Variants in MAD1L1 observed in about 807,000 individuals in gnomAD.
MAD1L1 encodes the protein mitotic spindle assembly checkpoint protein MAD1.
A neutral mutation model predicts 96.9 loss-of-function variants in MAD1L1; 95 were observed. The ratio of observed to expected loss-of-function variants is 0.98; its 90% CI spans 0.83 to 1.16. The LOEUF (loss-of-function observed/expected upper bound fraction) is 1.16, where lower values mean the gene tolerates loss of function less well. Ranked by LOEUF, MAD1L1 falls within the 50% of genes most tolerant of loss-of-function variation. The probability of loss-of-function intolerance (pLI) is 0.00; values close to 1 mark genes in which losing one functional copy is unlikely to be tolerated. For missense variants in MAD1L1, 1,007 were observed against 954.4 expected, an observed-to-expected ratio of 1.06 and a Z score of -0.73; for synonymous variants, 473 against 396.6, an observed-to-expected ratio of 1.19 and a Z score of -2.29.
intron 10 of MAD1L1, among the ~76,000 whole-genome samples, chr7:2,205,091 T>TC (rs1388602403): frequency 7.4e-6 from 1 of 134,264 alleles, no homozygotes; most frequent in Non-Finnish European, 1.5e-5. Flanking sequence ...TTTCTTTTTT[T>TC]TTTTTTTTTT....
intron 11 of MAD1L1, among the ~76,000 whole-genome samples, chr7:2,117,442 T>G (rs1330925568): frequency 2.0e-5 from 3 of 152,230 alleles, no homozygotes; most frequent in Non-Finnish European, 4.4e-5. Context: ...TGATATGGTC[T>G]GACTGTGTCC....
chr7:1,859,472 G>A (rs1784414385), intron 18 of MAD1L1, among the ~76,000 whole-genome samples: 1 of 152,226 alleles, frequency 6.6e-6, no homozygotes, highest in Non-Finnish European at 1.5e-5. Flanking sequence ...GCCCACAGGT[G>A]GGGCAGGTGG....
chr7:2,170,177 A>C (rs963339761), intron 10 of MAD1L1, among the ~76,000 whole-genome samples: 2 of 152,178 alleles, frequency 1.3e-5, no homozygotes, highest in Non-Finnish European at 2.9e-5. Flanking sequence ...CAGCCACGTG[A>C]AGCAGCTCGT....
intron 12 of MAD1L1, among the ~76,000 whole-genome samples, chr7:2,049,048 C>T (rs1230097708): frequency 6.6e-6 from 1 of 152,250 alleles, no homozygotes; most frequent in East Asian, 1.9e-4. Context: ...TGATGATGAA[C>T]TACCTCACAC....
In MAD1L1 at chr7:2,225,558, G is replaced by A. The variant is rs761029755; in HGVS notation, c.151-8C>T. On this transcript the variant is annotated splice_polypyrimidine_tract_variant and splice_region_variant and intron_variant, in intron 3 of 18. Coordinates refer to ENST00000265854, the MANE Select transcript of MAD1L1 (RefSeq NM_001013836.2). The stretch of plus-strand genomic sequence containing the variant: ...CTCTGCTCTTTCCTCCAGCTGAGCA[G>A]GTCGCACCCAAAGAAAAACAGAATC... The A allele has an allele frequency of 1.9e-5, 31 of 1,612,830 alleles. No individual in the cohort carries two copies. Among genetic ancestry groups the A allele is most frequent in the Non-Finnish European group, 2.6e-5 (31 of 1,179,976 alleles).
chr7:2,113,093 G>A (rs952661871), intron 11 of MAD1L1, among the ~76,000 whole-genome samples: 8 of 145,412 alleles, frequency 5.5e-5, no homozygotes, highest in Non-Finnish European at 1.1e-4. Context: ...AAACGGGGAC[G>A]AGGGGCAGAG....
intron 18 of MAD1L1, among the ~76,000 whole-genome samples, chr7:1,879,614 A>T (rs1785570146): frequency 6.6e-6 from 1 of 152,198 alleles, no homozygotes; most frequent in African/African-American, 2.4e-5. Flanking sequence ...AAAAGAACAA[A>T]ATTGGAGGAC....
intron 18 of MAD1L1, among the ~76,000 whole-genome samples, chr7:1,832,630 T>TTTTGG (rs56664541): frequency 0.011 from 26 of 2,350 alleles, no homozygotes; most frequent in Non-Finnish European, 0.017. Flanking sequence ...TTTTTTTTTT[T>TTTTGG]GGCGGGGGGG....
intron 18 of MAD1L1, among the ~76,000 whole-genome samples, chr7:1,891,943 G>A (rs1445346380): frequency 2.6e-5 from 4 of 152,158 alleles, no homozygotes; most frequent in South Asian, 2.1e-4. Context: ...TAAGTGGTAC[G>A]GCATTTATAG....
intron 11 of MAD1L1, among the ~76,000 whole-genome samples, chr7:2,093,860 G>A (rs1562680254): frequency 1.3e-5 from 2 of 152,344 alleles, no homozygotes; most frequent in East Asian, 1.9e-4. Context: ...CAACAGACAA[G>A]GAGAGGCTCC....
At chr7:2,012,611 AG>A (rs1310527144) in intron 13 of MAD1L1, among the ~76,000 whole-genome samples, 2 of 152,168 alleles carry the variant, frequency 1.3e-5, no homozygotes, top group African/African-American at 4.8e-5. Context: ...GGATGGACAG[AG>A]GGGGCAGGGC....
At chr7:1,845,858 G>C (rs1783591942) in intron 18 of MAD1L1, 1 of 152,636 alleles carries the variant, frequency 6.6e-6, no homozygotes, top group South Asian at 2.1e-4. Context: ...TGTTTCTGGG[G>C]AGGCAGAGAT....
At chr7:2,224,997 G>T (rs1793807395) in intron 4 of MAD1L1, among the ~76,000 whole-genome samples, 1 of 152,206 alleles carries the variant, frequency 6.6e-6, no homozygotes, top group Non-Finnish European at 1.5e-5. Context: ...CTTCCAGAGG[G>T]AAGAGGAAAC....
At chr7:1,855,056 G>A (rs1411627001) in intron 18 of MAD1L1, among the ~76,000 whole-genome samples, 5 of 152,178 alleles carry the variant, frequency 3.3e-5, no homozygotes, top group East Asian at 1.9e-4. Context: ...AGGCATCGGC[G>A]GCTGGGAGTT....
chr7:2,057,913 T>C (rs552986206), intron 12 of MAD1L1, among the ~76,000 whole-genome samples: 2 of 152,298 alleles, frequency 1.3e-5, no homozygotes, highest in African/African-American at 4.8e-5. Flanking sequence ...ACTGTCATCA[T>C]TCCTCCATGA....
chr7:1,816,274 G>T, intron 18 of MAD1L1, 46 bp from the exon 19 acceptor site: 1 of 1,576,786 alleles, frequency 6.3e-7, no homozygotes, highest in Non-Finnish European at 8.6e-7. Context: ...CAGCCCGACA[G>T]GCCTCTCCCT....
intron 12 of MAD1L1, among the ~76,000 whole-genome samples, chr7:2,063,355 C>A (rs1266871985): frequency 1.3e-5 from 2 of 152,210 alleles, no homozygotes; most frequent in African/African-American, 4.8e-5. Context: ...AGGACTTAAA[C>A]AGACACCATC....
intron 11 of MAD1L1, among the ~76,000 whole-genome samples, chr7:2,076,177 C>T (rs1001124475): frequency 5.9e-5 from 9 of 152,360 alleles, no homozygotes; most frequent in African/African-American, 2.2e-4. Context: ...CAGCCACGCC[C>T]GGGCCCAGGG....
intron 18 of MAD1L1, among the ~76,000 whole-genome samples, chr7:1,860,042 G>A (rs1468526801): frequency 6.2e-5 from 9 of 144,912 alleles, no homozygotes; most frequent in Admixed American, 5.6e-4. Flanking sequence ...GGCAGCCTCT[G>A]TGTCCCTAGA....
Sources: allele counts gnomAD v4.1 joint callset (sites outside exome capture counted in the v4.1 genomes callset), GRCh38; gene constraint gnomAD v4.1.1; transcripts MANE v1.5; gene names NCBI Gene and HGNC (gene_info 2026-07-23, HGNC 2026-07-21).